The following DST variants were observed in gnomAD, a reference collection of about 807,000 sequenced individuals.
DST encodes bullous pemphigoid antigen.
A neutral mutation model predicts 875.2 loss-of-function variants in DST; 253 were observed. That is an observed-to-expected ratio of 0.29 (90% CI 0.26 to 0.32). The LOEUF is 0.32. Among genes scored for constraint, DST ranks in the 10% least tolerant of loss-of-function variants. The probability of loss-of-function intolerance (pLI) is 1.00; values close to 1 mark genes in which losing one functional copy is unlikely to be tolerated. For missense variants in DST, 8,287 were observed against 9,111.6 expected, an observed-to-expected ratio of 0.91 and a Z score of 3.68; for synonymous variants, 3,124 against 3,197.1, an observed-to-expected ratio of 0.98 and a Z score of 0.77.
At chr6:56,862,194 A>C (rs1419406873) in intron 3 of DST, among the ~76,000 whole-genome samples, 3 of 152,128 alleles carry the variant, frequency 2.0e-5, no homozygotes, top group Non-Finnish European at 4.4e-5. Context: ...TCTCTCGCAC[A>C]CACACATACA....
chr6:56,479,169 A>G (rs1201197746), intron 90 of DST, among the ~76,000 whole-genome samples: 1 of 152,206 alleles, frequency 6.6e-6, no homozygotes, highest in Non-Finnish European at 1.5e-5. Context: ...CAACAAACAC[A>G]TGAAAAATGC....
chr6:56,501,802 A>G (rs549156887), intron 78 of DST, 109 bp from the exon 79 acceptor site: 136 of 738,076 alleles, frequency 1.8e-4, no homozygotes, highest in Non-Finnish European at 2.6e-4. Flanking sequence ...TACTGAGGGG[A>G]GGTGACGCAA....
intron 103 of DST, 45 bp from the exon 104 acceptor site, chr6:56,459,312 A>G (rs1193894779): frequency 5.1e-6 from 8 of 1,554,162 alleles, no homozygotes; most frequent in Admixed American, 3.9e-5. Context: ...TATTGGGTCC[A>G]TCTGCAACTA....
rs1229191336 is a variant in DST, at chr6:56,561,405, T to G, written c.14213A>C (p.Gln4738Pro). 1.2e-6 allele frequency: 2 copies of G among 1,613,938 alleles called. No individual in the cohort carries two copies. Among genetic ancestry groups the G allele is most frequent in the Non-Finnish European group, 1.7e-6 (2 of 1,179,818 alleles). The change falls in exon 57 of 104, where the codon CAG becomes CCG. Residue 4738 changes from glutamine (Q) to proline (P), a missense_variant. Gln to Pro is a moderately conservative substitution (Grantham distance 76). Transcript: ENST00000680361. ...KAQEESSAMM[Q>P]WLQKMNKTAT... ...AGTTTTGTTCATTTTCTGTAACCAC[T>G]GCATCATTGCACTTGATTCTTCCTG...
At chr6:56,699,992 AC>A (rs1195779567) in intron 8 of DST, among the ~76,000 whole-genome samples, 1 of 152,082 alleles carries the variant, frequency 6.6e-6, no homozygotes, top group Non-Finnish European at 1.5e-5. Flanking sequence ...CCCCAACCTA[AC>A]CCCCAAACCT....
intron 10 of DST, among the ~76,000 whole-genome samples, chr6:56,661,350 G>A (rs1212387177): frequency 6.6e-6 from 1 of 152,208 alleles, no homozygotes; most frequent in Non-Finnish European, 1.5e-5. Context: ...AAATCTTCAT[G>A]TGAGAGAAAG....
intron 4 of DST, among the ~76,000 whole-genome samples, chr6:56,747,805 C>T (rs943267620): frequency 1.3e-5 from 2 of 152,006 alleles, no homozygotes; most frequent in African/African-American, 4.8e-5. Flanking sequence ...AAGGTAAATC[C>T]ATTATATTAT....
chr6:56,822,624 C>G (rs2099774376), intron 4 of DST, among the ~76,000 whole-genome samples: 1 of 151,980 alleles, frequency 6.6e-6, no homozygotes, highest in Non-Finnish European at 1.5e-5. Context: ...AAGTTCACAG[C>G]AACAAAAATT....
Position 56,604,290 on chromosome 6 carries a change from AAGG to A in DST, c.10335_10337del (p.Leu3446del), listed in dbSNP as rs760179136. Reference sequence around the variant, plus strand: ...TATGTTGATCTTGCTTCAATATATTAAGGAGAAGCTCAGACTTAAGATTTCCAA... The same window carrying A: ...TATGTTGATCTTGCTTCAATATATTAAGAAGCTCAGACTTAAGATTTCCAA... On this transcript the variant is annotated inframe_deletion, in exon 40 of 104. Transcript: ENST00000680361. 6.7e-5 allele frequency: 108 copies of A among 1,612,062 alleles called. No individual in the cohort carries two copies. Among genetic ancestry groups the A allele is most frequent in the Non-Finnish European group, 8.3e-5 (98 of 1,179,004 alleles).
chr6:56,584,805 G>A (rs562604746), intron 49 of DST, among the ~76,000 whole-genome samples: 42 of 149,668 alleles, frequency 2.8e-4, no homozygotes, highest in Admixed American at 6.0e-4. Flanking sequence ...TAGCATGAAG[G>A]GTTGTTGAAT....
At chr6:56,542,329 GAAGA>G (rs897359873) in intron 61 of DST, among the ~76,000 whole-genome samples, 1 of 138,802 alleles carries the variant, frequency 7.2e-6, no homozygotes, top group African/African-American at 2.7e-5. Context: ...CTACTCAAAG[GAAGA>G]AAGAAAAAAA....
chr6:56,462,489 C>G (rs182956371), intron 102 of DST, among the ~76,000 whole-genome samples: 2 of 152,250 alleles, frequency 1.3e-5, no homozygotes, highest in East Asian at 3.9e-4. Context: ...ACCCCTCTGA[C>G]CCCCCTGCAC....
intron 4 of DST, among the ~76,000 whole-genome samples, chr6:56,755,117 A>G (rs1427781027): frequency 1.3e-5 from 2 of 150,692 alleles, no homozygotes; most frequent in African/African-American, 4.9e-5. Context: ...AGTCATTTCA[A>G]ATCTAATGAA....
intron 4 of DST, among the ~76,000 whole-genome samples, chr6:56,823,231 G>A (rs1010217353): frequency 2.6e-5 from 4 of 152,028 alleles, no homozygotes; most frequent in Non-Finnish European, 4.4e-5. Context: ...TTGTCTAAAG[G>A]CACACTCCTA....
At position 56,601,458 on chromosome 6, in the gene DST, A is replaced by G. The variant is rs1384933480; in HGVS notation, c.11526T>C (p.Asp3842=). The G allele has an allele frequency of 3.8e-6, 6 of 1,594,564 alleles. No individual in the cohort carries two copies. Among genetic ancestry groups the G allele is most frequent in the Non-Finnish European group, 4.3e-6 (5 of 1,170,036 alleles). The change falls in exon 44 of 104, where the codon GAT becomes GAC. Residue 3842 remains aspartate, a synonymous_variant. Transcript: ENST00000680361. ...RLETQLHLEQ[D]LDDQKIVAER... is the part of the protein sequence containing the mutation. ...AAAGGCAAACCTTCTGATCATCAAG[A>G]TCTTGTTCTAGATGTAACTGAGTCT... is the stretch of plus-strand genomic sequence containing the variant.
At chr6:56,789,487 C>T (rs1376167393) in intron 4 of DST, among the ~76,000 whole-genome samples, 1 of 152,068 alleles carries the variant, frequency 6.6e-6, no homozygotes, top group Non-Finnish European at 1.5e-5. Context: ...TTAACCATTT[C>T]TAAGTATAGT....
At chr6:56,708,424 A>G (rs542794034) in intron 5 of DST, among the ~76,000 whole-genome samples, 1 of 152,198 alleles carries the variant, frequency 6.6e-6, no homozygotes, top group South Asian at 2.1e-4. Context: ...TTTAACTTCT[A>G]TAATGCTTGA....
chr6:56,482,365 A>G, intron 89 of DST, 187 bp from the exon 90 acceptor site: 2 of 607,422 alleles, frequency 3.3e-6, no homozygotes, highest in Non-Finnish European at 4.8e-6. Flanking sequence ...TTAATATATT[A>G]AAAAAAAAGC....
Position 56,527,625 on chromosome 6 carries a change from C to T in DST, c.17790G>A (p.Gln5930=). ...DVAKTLEQAL[Q]LARRLHSTHE... Reference sequence around the variant, plus strand: ...GTGTGGAGTGCAGCCGCCTTGCAAGCTGCAGCGCCTGTTCCAGAGTCTTGG... The same window carrying T: ...GTGTGGAGTGCAGCCGCCTTGCAAGTTGCAGCGCCTGTTCCAGAGTCTTGG... Residue 5930 remains glutamine, a synonymous_variant, in exon 68 of 104, where the codon CAG becomes CAA. Coordinates refer to ENST00000680361, the MANE Select transcript of DST (RefSeq NM_001374736.1). 1 of 1,613,834 alleles carries T rather than the reference C, an allele frequency of 6.2e-7. No homozygotes were observed.
Sources: gnomAD v4.1 joint callset for allele counts (sites outside exome capture counted in the v4.1 genomes callset) on GRCh38, gnomAD v4.1.1 for gene constraint, MANE v1.5 for transcripts, NCBI Gene and HGNC (gene_info 2026-07-23, HGNC 2026-07-21) for gene names.